Variants in AUTS2 observed in about 807,000 individuals in gnomAD.
The protein encoded by AUTS2 is activator of transcription and developmental regulator AUTS2, also known as autism susceptibility gene 2 protein.
Under a neutral mutation model 112.4 loss-of-function variants are expected in AUTS2, and 17 were observed. The ratio of observed to expected loss-of-function variants is 0.15; its 90% CI spans 0.10 to 0.23. AUTS2 has a LOEUF of 0.23. AUTS2 is among the 10% of genes least tolerant of loss of function. The pLI, the probability that AUTS2 is intolerant of heterozygous loss-of-function variation, is 1.00. For synonymous variants in AUTS2, 751 were observed against 702.7 expected (o/e 1.07, Z -1.09); for missense variants, 1,510 against 1,701.6 (o/e 0.89, Z 1.98).
At chr7:69,953,849 AGTT>A (rs1797118728) in intron 2 of AUTS2, among the ~76,000 whole-genome samples, 1 of 152,100 alleles carries the variant, frequency 6.6e-6, no homozygotes, top group African/African-American at 2.4e-5. Context: ...TGGAAACAAG[AGTT>A]GTTTGGGCCC....
At chr7:69,769,686 G>A (rs1436880481) in intron 1 of AUTS2, among the ~76,000 whole-genome samples, 1 of 152,136 alleles carries the variant, frequency 6.6e-6, no homozygotes, top group Non-Finnish European at 1.5e-5. Flanking sequence ...GGTGAACAGG[G>A]CGATGTATTG....
intron 2 of AUTS2, among the ~76,000 whole-genome samples, chr7:70,070,504 G>A (rs190128346): frequency 2.6e-5 from 4 of 152,050 alleles, no homozygotes; most frequent in Non-Finnish European, 2.9e-5. Context: ...GCTTGAACCC[G>A]GGAGGCGGAG....
intron 5 of AUTS2, among the ~76,000 whole-genome samples, chr7:70,560,882 G>A (rs140689929): frequency 2.9e-3 from 438 of 152,292 alleles, no homozygotes; most frequent in Non-Finnish European, 4.7e-3. Flanking sequence ...ATTCTTGAAA[G>A]TGGCAAAATC....
intron 6 of AUTS2, among the ~76,000 whole-genome samples, chr7:70,700,573 C>A (rs868274511): frequency 6.6e-6 from 1 of 151,762 alleles, no homozygotes; most frequent in African/African-American, 2.4e-5. Flanking sequence ...TCCCGCACCC[C>A]CTTTCCTCCC....
intron 5 of AUTS2, among the ~76,000 whole-genome samples, chr7:70,568,535 G>T (rs1158604452): frequency 6.6e-6 from 1 of 151,854 alleles, no homozygotes; most frequent in African/African-American, 2.4e-5. Flanking sequence ...GCACTTTGGG[G>T]GAAAAAAAAA....
intron 1 of AUTS2, among the ~76,000 whole-genome samples, chr7:69,817,024 T>C (rs1790791543): frequency 6.6e-6 from 1 of 152,154 alleles, no homozygotes; most frequent in African/African-American, 2.4e-5. Flanking sequence ...ATAGTACCTA[T>C]CTAGGAAGGC....
intron 2 of AUTS2, among the ~76,000 whole-genome samples, chr7:70,045,784 CTTT>C (rs746154629): frequency 7.9e-6 from 1 of 126,790 alleles, no homozygotes; most frequent in Non-Finnish European, 1.7e-5. Flanking sequence ...AATTTTCTAC[CTTT>C]TTTTTTTTTT....
At chr7:69,687,764 C>T (rs1439267547) in intron 1 of AUTS2, among the ~76,000 whole-genome samples, 2 of 152,108 alleles carry the variant, frequency 1.3e-5, no homozygotes, top group Admixed American at 1.3e-4. Context: ...TTTAAATACC[C>T]TTTTATTTAC....
At chr7:70,154,678 G>T (rs940866507) in intron 4 of AUTS2, among the ~76,000 whole-genome samples, 4 of 152,188 alleles carry the variant, frequency 2.6e-5, no homozygotes, top group Non-Finnish European at 5.9e-5. Flanking sequence ...CATGAAGGTT[G>T]TAGGTTGTAC....
intron 5 of AUTS2, among the ~76,000 whole-genome samples, chr7:70,515,542 C>T (rs1201547482): frequency 1.3e-5 from 2 of 152,002 alleles, no homozygotes; most frequent in Non-Finnish European, 2.9e-5. Flanking sequence ...GTCTACTTAC[C>T]GGGTTAGAGA....
intron 1 of AUTS2, among the ~76,000 whole-genome samples, chr7:69,630,467 G>A (rs764285143): frequency 6.6e-6 from 1 of 152,104 alleles, no homozygotes; most frequent in Non-Finnish European, 1.5e-5. Context: ...AACTAGCCAC[G>A]AGTAAACGTC....
intron 4 of AUTS2, among the ~76,000 whole-genome samples, chr7:70,294,786 G>A (rs60847182): frequency 0.086 from 13,052 of 152,172 alleles, 763 homozygotes; most frequent in African/African-American, 0.16. Context: ...CCAGTGTTCC[G>A]GGCATGGTGA....
At chr7:69,716,320 C>A (rs1212852832) in intron 1 of AUTS2, among the ~76,000 whole-genome samples, 1 of 151,534 alleles carries the variant, frequency 6.6e-6, no homozygotes, top group South Asian at 2.1e-4. Context: ...TTTTTCACAC[C>A]GCATTCCACC....
intron 1 of AUTS2, among the ~76,000 whole-genome samples, chr7:69,700,365 T>C (rs966678849): frequency 2.0e-5 from 3 of 152,218 alleles, no homozygotes; most frequent in Non-Finnish European, 2.9e-5. Context: ...GGAATACTTA[T>C]AGACTTACCA....
intron 5 of AUTS2, among the ~76,000 whole-genome samples, chr7:70,582,828 G>C (rs889110143): frequency 6.6e-6 from 1 of 152,016 alleles, no homozygotes; most frequent in African/African-American, 2.4e-5. Flanking sequence ...CCATGTTGCT[G>C]CCTTTAAAAA....
chr7:70,340,742 C>T (rs1791226147), intron 4 of AUTS2, among the ~76,000 whole-genome samples: 1 of 152,220 alleles, frequency 6.6e-6, no homozygotes, highest in Non-Finnish European at 1.5e-5. Flanking sequence ...CAAAGAGAAT[C>T]TCTAGTATTT....
At chr7:70,505,779 T>C (rs1418345143) in intron 5 of AUTS2, among the ~76,000 whole-genome samples, 1 of 151,932 alleles carries the variant, frequency 6.6e-6, no homozygotes, top group Non-Finnish European at 1.5e-5. Context: ...AACCAGAGGG[T>C]TTGGGGGAGG....
rs186448995 is a variant in AUTS2, at chr7:69,826,762, A to G, written c.310-72524A>G. On this transcript the variant is annotated intron_variant, in intron 1 of 18. Transcript: ENST00000342771. ...CTAGGCAAGGTGTTTTTCTCAGTCT[A>G]TGTTGTGTGTCTAGGATGATAATGT... is the stretch of plus-strand genomic sequence containing the variant. Among the ~76,000 whole-genome samples the G allele has an allele frequency of 1.4e-4, 21 of 152,218 alleles. No individual in the cohort carries two copies. In the East Asian group the frequency reaches 4.1e-3, roughly 29 times the overall value.
intron 1 of AUTS2, among the ~76,000 whole-genome samples, chr7:69,836,799 C>T (rs1275548560): frequency 6.6e-6 from 1 of 152,102 alleles, no homozygotes; most frequent in African/African-American, 2.4e-5. Flanking sequence ...ATGATACTAG[C>T]GTTTACTTAT....
Sources: gnomAD v4.1 joint callset for allele counts (sites outside exome capture counted in the v4.1 genomes callset) on GRCh38, gnomAD v4.1.1 for gene constraint, MANE v1.5 for transcripts, NCBI Gene and HGNC (gene_info 2026-07-23, HGNC 2026-07-21) for gene names.